GALNT17: variants seen among roughly 807,000 people sequenced by gnomAD.
The protein encoded by GALNT17 is polypeptide N-acetylgalactosaminyltransferase 17, also known as UDP-GalNAc:polypeptide N-acetylgalactosaminyltransferase-like 3.
Under a neutral mutation model 63.7 loss-of-function variants are expected in GALNT17, and 29 were observed. The observed-to-expected ratio is 0.46, with a 90% confidence interval of 0.34 to 0.62. The LOEUF is 0.62. GALNT17 is among the 20% of genes least tolerant of loss of function. GALNT17 has a pLI of 0.01. For missense variants in GALNT17, 603 were observed against 799.6 expected (o/e 0.75, Z 2.97); for synonymous variants, 305 against 318.3 (o/e 0.96, Z 0.45).
intron 6 of GALNT17, among the ~76,000 whole-genome samples, chr7:71,632,921 T>C (rs147621144): frequency 1.1e-3 from 174 of 151,846 alleles, no homozygotes; most frequent in Non-Finnish European, 1.9e-3. Context: ...ATGGCCAACA[T>C]AGCAAAACCC....
intron 1 of GALNT17, among the ~76,000 whole-genome samples, chr7:71,251,497 A>G (rs918383764): frequency 5.9e-5 from 9 of 151,528 alleles, no homozygotes; most frequent in African/African-American, 2.2e-4. Flanking sequence ...GCAGCCTTGA[A>G]CTCCTGGGTT....
chr7:71,580,884 T>TA lies in GALNT17; in HGVS notation c.1080+9484dup, dbSNP rs1014126105. Among the ~76,000 whole-genome samples, 16 of 152,222 alleles carry TA rather than the reference T, an allele frequency of 1.1e-4. 1 individual carries two copies. Among genetic ancestry groups the TA allele is most frequent in the Non-Finnish European group, 5.9e-5 (4 of 68,040 alleles). On this transcript the variant is annotated intron_variant, in intron 6 of 10. Transcript: ENST00000333538. ...GGGGATTAAGCCAAGGAGGGAGCAC[T>TA]AAGCCTGAGATAGACTTGGATGTAC...
chr7:71,251,604 G>T (rs1416489632), intron 1 of GALNT17, among the ~76,000 whole-genome samples: 1 of 152,126 alleles, frequency 6.6e-6, no homozygotes, highest in East Asian at 1.9e-4. Context: ...TAGAGATGGG[G>T]TCTCACTGTG....
intron 5 of GALNT17, among the ~76,000 whole-genome samples, chr7:71,488,551 T>C (rs73367526): frequency 0.05 from 7,417 of 149,138 alleles, 637 homozygotes; most frequent in African/African-American, 0.17. Context: ...ATATTCCCAC[T>C]GGGCAAGCCA....
intron 1 of GALNT17, among the ~76,000 whole-genome samples, chr7:71,190,955 A>G (rs4339520): frequency 0.079 from 12,073 of 152,190 alleles, 553 homozygotes; most frequent in East Asian, 0.14. Flanking sequence ...TTAAATGCTA[A>G]GAATGCACAG....
At chr7:71,269,962 A>G (rs1415067886) in intron 1 of GALNT17, among the ~76,000 whole-genome samples, 1 of 152,184 alleles carries the variant, frequency 6.6e-6, no homozygotes, top group Non-Finnish European at 1.5e-5. Flanking sequence ...GTACTGATTT[A>G]CAGGCTTTAG....
intron 2 of GALNT17, among the ~76,000 whole-genome samples, chr7:71,382,016 G>A (rs1411189987): frequency 6.6e-6 from 1 of 152,170 alleles, no homozygotes; most frequent in East Asian, 1.9e-4. Context: ...GAGCCTGGTT[G>A]AAGGAAGTAT....
Position 71,592,520 on chromosome 7 carries a change from A to ATAAAG in GALNT17, c.1080+21122_1080+21123insGTAAA, listed in dbSNP as rs1230980761. On this transcript the variant is annotated intron_variant, in intron 6 of 10. Coordinates refer to ENST00000333538, the MANE Select transcript of GALNT17 (RefSeq NM_022479.3). ...CAAAAATAAAATAAAATAAAATAAA[A>ATAAAG]TAAAATAAAATAAAATAAAATAAAA... Among the ~76,000 whole-genome samples the ATAAAG allele has an allele frequency of 9.1e-4, 84 of 92,178 alleles. 2 individuals carry two copies. The highest frequency in any genetic ancestry group is 1.0e-3 in the South Asian group (2 of 1,960). The allele number at this position is 92,178 out of a possible 152,430, so 60.5% of individuals were successfully genotyped here. A position where few individuals can be genotyped will look rare whatever the true frequency, so the allele number is the denominator to read the frequency against.
At chr7:71,599,346 C>T (rs1358241468) in intron 6 of GALNT17, among the ~76,000 whole-genome samples, 1 of 152,148 alleles carries the variant, frequency 6.6e-6, no homozygotes, top group Non-Finnish European at 1.5e-5. Context: ...GACAGTGAAC[C>T]TCTAAGGGTC....
At chr7:71,521,838 G>A (rs1788536069) in intron 5 of GALNT17, among the ~76,000 whole-genome samples, 1 of 152,148 alleles carries the variant, frequency 6.6e-6, no homozygotes, top group Admixed American at 6.5e-5. Context: ...CAGATGGTCT[G>A]TATTAAAAGT....
At chr7:71,664,302 T>C (rs1562727437) in intron 6 of GALNT17, among the ~76,000 whole-genome samples, 1 of 152,138 alleles carries the variant, frequency 6.6e-6, no homozygotes, top group African/African-American at 2.4e-5. Flanking sequence ...GACTCCAAAG[T>C]AGAGCATATT....
In GALNT17 at chr7:71,665,454, G is replaced by A. The variant is rs1374937221; in HGVS notation, c.1124G>A (p.Arg375Gln). ...AGCATGGAGGTCCTTCCTTGCTCAC[G>A]GGTGGCCCACATTGAGCGGAAGAAG... is the stretch of plus-strand genomic sequence containing the variant. ...GGSMEVLPCS[R>Q]VAHIERKKKP... The change falls in exon 7 of 11, where the codon CGG (arginine) becomes CAG (glutamine). Residue 375 changes from arginine to glutamine, a missense_variant. Physicochemically the swap from Arg to Gln is conservative, Grantham distance 43 (BLOSUM62 1). Around this residue, in one of 3 missense-constraint regions of GALNT17, gnomAD observed 336 missense variants for 507.8 expected, o/e 0.66. Transcript: ENST00000333538. 6.2e-6 allele frequency: 10 copies of A among 1,612,886 alleles called. No homozygotes were observed. The highest frequency in any genetic ancestry group is 8.5e-6 in the Non-Finnish European group (10 of 1,179,932).
At chr7:71,640,217 C>G (rs59201127) in intron 6 of GALNT17, among the ~76,000 whole-genome samples, 17,369 of 152,216 alleles carry the variant, frequency 0.11, 1,147 homozygotes, top group Non-Finnish European at 0.15. Context: ...ACGCAGACTT[C>G]TTATTGCTAA....
chr7:71,318,047 G>A (rs1034340309), intron 1 of GALNT17, among the ~76,000 whole-genome samples: 1 of 151,856 alleles, frequency 6.6e-6, no homozygotes, highest in East Asian at 2.0e-4. Context: ...TCAGCCTCCC[G>A]AATAGCTGGG....
chr7:71,216,728 A>G (rs1228098325), intron 1 of GALNT17, among the ~76,000 whole-genome samples: 2 of 152,110 alleles, frequency 1.3e-5, no homozygotes, highest in Admixed American at 1.3e-4. Flanking sequence ...ACGCACACAT[A>G]TATACACAGA....
chr7:71,147,378 T>C (rs148005401), intron 1 of GALNT17, among the ~76,000 whole-genome samples: 922 of 152,258 alleles, frequency 6.1e-3, no homozygotes, highest in Non-Finnish European at 9.5e-3. Context: ...GCTGGGAAGC[T>C]AGGCCAGTCT....
chr7:71,537,042 CATGTT>C (rs1343127236), intron 5 of GALNT17, among the ~76,000 whole-genome samples: 3 of 152,164 alleles, frequency 2.0e-5, no homozygotes, highest in African/African-American at 7.2e-5. Context: ...CCTGAGATGT[CATGTT>C]CATCCCATTG....
chr7:71,192,752 C>T (rs1239440040), intron 1 of GALNT17, among the ~76,000 whole-genome samples: 1 of 152,162 alleles, frequency 6.6e-6, no homozygotes, highest in Non-Finnish European at 1.5e-5. Context: ...ACATTTTTCA[C>T]TTTTGCCTGC....
At position 71,650,932 on chromosome 7, in the gene GALNT17, C is replaced by A. The variant is rs372668795; in HGVS notation, c.1081-14479C>A. Among the ~76,000 whole-genome samples the A allele has an allele frequency of 4.0e-4, 61 of 152,280 alleles. No individual in the cohort carries two copies. The South Asian group carries it at 0.012, about 31-fold the overall frequency. On this transcript the variant is annotated intron_variant, in intron 6 of 10. Coordinates refer to ENST00000333538, the MANE Select transcript of GALNT17 (RefSeq NM_022479.3). ...GTCTAAATTATCTTTATACCCCTGGCAGCGTTTAGCTTGGAGCTCTTAGTA... is the reference window on the plus strand; with the variant it reads ...GTCTAAATTATCTTTATACCCCTGGAAGCGTTTAGCTTGGAGCTCTTAGTA...
Sources: allele counts gnomAD v4.1 joint callset (sites outside exome capture counted in the v4.1 genomes callset), GRCh38; gene constraint gnomAD v4.1.1; regional missense constraint gnomAD v4.1.1; transcripts MANE v1.5; gene names NCBI Gene and HGNC (gene_info 2026-07-23, HGNC 2026-07-21).